Variants in VSTM4 observed in about 807,000 individuals in gnomAD.
VSTM4 encodes V-set and transmembrane domain containing 4.
Under a neutral mutation model 36.4 loss-of-function variants are expected in VSTM4, and 20 were observed. That is an observed-to-expected ratio of 0.55 (90% CI 0.39 to 0.80). The LOEUF is 0.80. VSTM4 is among the 30% of genes least tolerant of loss of function. The probability of loss-of-function intolerance (pLI) is 0.00; values close to 1 mark genes in which losing one functional copy is unlikely to be tolerated. For synonymous variants in VSTM4, 182 were observed against 173.9 expected (o/e 1.05, Z -0.37); for missense variants, 392 against 404.5 (o/e 0.97, Z 0.26).
At chr10:49,070,177 C>T (rs977599985) in intron 4 of VSTM4, among the ~76,000 whole-genome samples, 1 of 101,374 alleles carries the variant, frequency 9.9e-6, no homozygotes, top group Non-Finnish European at 1.8e-5. Context: ...GGCATGAACC[C>T]GGGAGGCGGA....
intron 2 of VSTM4, among the ~76,000 whole-genome samples, chr10:49,105,002 GAGAGAGAC>G (rs1844743764): frequency 3.4e-5 from 1 of 29,684 alleles, no homozygotes; most frequent in African/African-American, 1.9e-4. Flanking sequence ...GAGAGACAGA[GAGAGAGAC>G]AGAGAGATAC....
intron 4 of VSTM4, among the ~76,000 whole-genome samples, chr10:49,073,888 A>AT (rs1466845652): frequency 6.6e-6 from 1 of 152,228 alleles, no homozygotes; most frequent in East Asian, 1.9e-4. Flanking sequence ...CAAGGTGTGT[A>AT]TTTTCTCCAT....
intron 2 of VSTM4, among the ~76,000 whole-genome samples, chr10:49,087,103 G>C (rs1844383703): frequency 6.6e-6 from 1 of 152,110 alleles, no homozygotes; most frequent in South Asian, 2.1e-4. Flanking sequence ...CCTTGCACTG[G>C]ATATTTCCTA....
intron 2 of VSTM4, among the ~76,000 whole-genome samples, chr10:49,095,314 A>G (rs530403698): frequency 6.6e-6 from 1 of 152,230 alleles, no homozygotes; most frequent in Non-Finnish European, 1.5e-5. Context: ...TCTCCAGAGA[A>G]AAAGAGCTTG....
At chr10:49,103,628 A>C (rs763685620) in intron 2 of VSTM4, 1,515 of 1,507,992 alleles carry the variant, frequency 1.0e-3, no homozygotes, top group Non-Finnish European at 1.2e-3. Flanking sequence ...ATATCATCGC[A>C]AGTCACCCTC....
intron 2 of VSTM4, among the ~76,000 whole-genome samples, chr10:49,090,631 T>A (rs1025738154): frequency 1.3e-5 from 2 of 152,126 alleles, no homozygotes; most frequent in Non-Finnish European, 2.9e-5. Flanking sequence ...ACCACCTCCC[T>A]CACCCCTGGT....
rs137995320 is a variant in VSTM4 at position 49,032,872 on chromosome 10, CAGAG to C, written c.838-13101_838-13098del. Among the ~76,000 whole-genome samples the C allele has an allele frequency of 2.2e-4, 32 of 145,034 alleles. No homozygotes were observed. The Middle Eastern group carries it at 0.018, about 81-fold the overall frequency. ...AGATCAATAGAGAGAGAGAGAAAGA[CAGAG>C]AGAGAGAGAGAGAGAGGATATCTTC... On this transcript the variant is annotated intron_variant, in intron 7 of 7. Coordinates refer to ENST00000332853, the MANE Select transcript of VSTM4 (RefSeq NM_001031746.5).
chr10:49,049,505 G>A (rs1396840091), intron 5 of VSTM4, among the ~76,000 whole-genome samples: 3 of 152,176 alleles, frequency 2.0e-5, no homozygotes, highest in Non-Finnish European at 4.4e-5. Flanking sequence ...CAGTAATCCA[G>A]AGGGAAGTAC....
intron 4 of VSTM4, among the ~76,000 whole-genome samples, chr10:49,066,096 A>C (rs956301969): frequency 8.5e-5 from 13 of 152,122 alleles, no homozygotes; most frequent in African/African-American, 3.1e-4. Context: ...AACAGTTTTA[A>C]GGAATCACCT....
chr10:49,048,387 C>T lies in VSTM4; in HGVS notation c.775+91G>A, dbSNP rs758555847. The T allele has an allele frequency of 3.6e-4, 411 of 1,152,706 alleles. 1 individual carries two copies. The highest frequency in any genetic ancestry group is 8.4e-4 in the Middle Eastern group (3 of 3,554). 71.4% of individuals were successfully genotyped at this position (1,152,706 alleles called of 1,614,324 possible). On this transcript the variant is annotated intron_variant, in intron 6 of 7. Coordinates refer to ENST00000332853, the MANE Select transcript of VSTM4 (RefSeq NM_001031746.5). The stretch of plus-strand genomic sequence containing the variant: ...TCATGTCATATTCCCCATCTGCCTA[C>T]GCTCCCTGTCATAATCCAACATGGA...
chr10:49,077,719 C>A lies in VSTM4; in HGVS notation c.527-393G>T, dbSNP rs575635510. ...GTAAGCTAGAAGACTTCAGAAAAAACCCACAAGAAAAATCTTTGGGATCTA... is the reference window on the plus strand; with the variant it reads ...GTAAGCTAGAAGACTTCAGAAAAAAACCACAAGAAAAATCTTTGGGATCTA... On this transcript the variant is annotated intron_variant, in intron 3 of 7. Coordinates refer to ENST00000332853, the MANE Select transcript of VSTM4 (RefSeq NM_001031746.5). 2.0e-5 allele frequency among the ~76,000 whole-genome samples: 3 copies of A among 151,944 alleles called. No homozygotes were observed. The South Asian group carries it at 6.3e-4, about 32-fold the overall frequency.
At chr10:49,101,354 T>A (rs1844662329) in intron 2 of VSTM4, among the ~76,000 whole-genome samples, 1 of 137,612 alleles carries the variant, frequency 7.3e-6, no homozygotes, top group Non-Finnish European at 1.6e-5. Context: ...AGCTAAAAAA[T>A]TAATGATCAG....
At chr10:49,034,275 T>C (rs12765141) in intron 7 of VSTM4, among the ~76,000 whole-genome samples, 23,563 of 151,966 alleles carry the variant, frequency 0.16, 2,028 homozygotes, top group South Asian at 0.36. Context: ...TCATCAATAC[T>C]ATCATCATCA....
At chr10:49,039,865 T>C (rs1843493010) in intron 7 of VSTM4, among the ~76,000 whole-genome samples, 1 of 152,252 alleles carries the variant, frequency 6.6e-6, no homozygotes, top group South Asian at 2.1e-4. Flanking sequence ...ACTTGGCCTC[T>C]GAATCAATAA....
At chr10:49,103,806 A>G (rs1844713425) in intron 2 of VSTM4, 1 of 1,614,142 alleles carries the variant, frequency 6.2e-7, no homozygotes, top group Non-Finnish European at 8.5e-7. Context: ...GTGAGGTAGT[A>G]TTACAAGGGA....
intron 3 of VSTM4, among the ~76,000 whole-genome samples, chr10:49,079,296 T>C (rs1425492744): frequency 6.6e-6 from 1 of 151,614 alleles, no homozygotes; most frequent in African/African-American, 2.4e-5. Context: ...CTTGAACTCC[T>C]GGGCTCAGGA....
chr10:49,046,493 A>G (rs1009903644), intron 7 of VSTM4, among the ~76,000 whole-genome samples: 1 of 152,248 alleles, frequency 6.6e-6, no homozygotes, highest in East Asian at 1.9e-4. Flanking sequence ...AACCGATGTT[A>G]ATTTCTTAGT....
intron 7 of VSTM4, among the ~76,000 whole-genome samples, chr10:49,039,252 TG>T (rs1426494907): frequency 6.6e-6 from 1 of 151,474 alleles, no homozygotes; most frequent in Non-Finnish European, 1.5e-5. Context: ...CTAGACCAAT[TG>T]GGGTCTCAGC....
chr10:49,105,707 C>A (rs567926856), intron 2 of VSTM4, among the ~76,000 whole-genome samples: 55 of 152,288 alleles, frequency 3.6e-4, no homozygotes, highest in Non-Finnish European at 7.6e-4. Flanking sequence ...TTGAAGGTAG[C>A]AAAGCTTTTA....
Sources: allele counts gnomAD v4.1 joint callset (sites outside exome capture counted in the v4.1 genomes callset), GRCh38; gene constraint gnomAD v4.1.1; transcripts MANE v1.5; gene names NCBI Gene and HGNC (gene_info 2026-07-23, HGNC 2026-07-21).